The following DLG2 variants were observed in gnomAD, a reference collection of about 807,000 sequenced individuals.
DLG2 encodes the protein discs large MAGUK scaffold protein 2.
Under a neutral mutation model 132.5 loss-of-function variants are expected in DLG2, and 45 were observed. That is an observed-to-expected ratio of 0.34 (90% CI 0.27 to 0.44). The LOEUF (loss-of-function observed/expected upper bound fraction) is 0.44, where lower values mean the gene tolerates loss of function less well. DLG2 is among the 20% of genes least tolerant of loss of function. The pLI, the probability that DLG2 is intolerant of heterozygous loss-of-function variation, is 1.00. For missense variants in DLG2, 1,045 were observed against 1,196.9 expected (o/e 0.87, Z 1.87); for synonymous variants, 424 against 419.6 (o/e 1.01, Z -0.13).
intron 6 of DLG2, among the ~76,000 whole-genome samples, chr11:84,593,662 G>C (rs901389287): frequency 6.6e-6 from 1 of 152,152 alleles, no homozygotes; most frequent in Non-Finnish European, 1.5e-5. Flanking sequence ...TGGGAGGCTA[G>C]GGAAGTGATA....
At chr11:85,468,391 T>G (rs192365787) in intron 3 of DLG2, among the ~76,000 whole-genome samples, 3 of 152,354 alleles carry the variant, frequency 2.0e-5, no homozygotes, top group Non-Finnish European at 4.4e-5. Context: ...CTAGTTCTTT[T>G]AATTGTGATG....
chr11:83,895,047 T>C (rs1272370431), intron 15 of DLG2, among the ~76,000 whole-genome samples: 1 of 152,202 alleles, frequency 6.6e-6, no homozygotes, highest in African/African-American at 2.4e-5. Context: ...CCTTGAAGTT[T>C]CTAAATACTT....
chr11:85,490,880 T>C (rs1336878650), intron 3 of DLG2, among the ~76,000 whole-genome samples: 2 of 152,060 alleles, frequency 1.3e-5, no homozygotes, highest in Admixed American at 1.3e-4. Context: ...CCTGAAACTT[T>C]TCAAAAATTC....
chr11:85,160,437 G>A (rs898870640), intron 4 of DLG2, among the ~76,000 whole-genome samples: 3 of 152,188 alleles, frequency 2.0e-5, no homozygotes, highest in African/African-American at 7.2e-5. Context: ...GCCATCTTCT[G>A]CAGATAAGTA....
At chr11:84,322,184 C>A (rs1223568361) in intron 7 of DLG2, among the ~76,000 whole-genome samples, 2 of 152,156 alleles carry the variant, frequency 1.3e-5, no homozygotes, top group East Asian at 3.9e-4. Context: ...GTATTCTGGT[C>A]TGTGTTCTAC....
At chr11:85,402,067 C>A (rs2088187581) in intron 3 of DLG2, among the ~76,000 whole-genome samples, 1 of 152,152 alleles carries the variant, frequency 6.6e-6, no homozygotes, top group Non-Finnish European at 1.5e-5. Context: ...AAGCTGGAGG[C>A]ATCACGCTAC....
rs1555220727 is a variant in DLG2 at position 84,784,366 on chromosome 11, A to AATT, written c.358-249636_358-249635insAAT. 2.0e-3 allele frequency among the ~76,000 whole-genome samples: 294 copies of AATT among 147,454 alleles called. 1 individual carries two copies. The highest frequency in any genetic ancestry group is 2.8e-3 in the Non-Finnish European group (186 of 66,944). On this transcript the variant is annotated intron_variant, in intron 6 of 27. Transcript: ENST00000376104. ...TAAATAAATAAATAAATAAATAAAT[A>AATT]AATTAAACAAGAGTATAGAACATAA...
At chr11:84,817,071 T>C (rs1193206873) in intron 6 of DLG2, among the ~76,000 whole-genome samples, 1 of 152,034 alleles carries the variant, frequency 6.6e-6, no homozygotes, top group Non-Finnish European at 1.5e-5. Context: ...ATTTGTAAAC[T>C]GTAAAGCACC....
chr11:84,129,408 T>G (rs553154693), intron 9 of DLG2, among the ~76,000 whole-genome samples: 16 of 152,090 alleles, frequency 1.1e-4, no homozygotes, highest in Non-Finnish European at 2.2e-4. Flanking sequence ...AGTCTCATTA[T>G]CTATATAAAC....
intron 3 of DLG2, among the ~76,000 whole-genome samples, chr11:85,341,011 G>A (rs1375795990): frequency 6.6e-6 from 1 of 152,106 alleles, no homozygotes; most frequent in Non-Finnish European, 1.5e-5. Context: ...TTTATTAATG[G>A]TTGACTGAAT....
At chr11:84,376,606 G>A (rs892770864) in intron 7 of DLG2, among the ~76,000 whole-genome samples, 1 of 151,808 alleles carries the variant, frequency 6.6e-6, no homozygotes, top group Non-Finnish European at 1.5e-5. Flanking sequence ...CCCAAGTATA[G>A]TGATGTGGTT....
intron 16 of DLG2, among the ~76,000 whole-genome samples, chr11:83,845,340 C>T (rs1481459253): frequency 1.3e-5 from 2 of 152,166 alleles, no homozygotes; most frequent in Non-Finnish European, 2.9e-5. Flanking sequence ...ACATGGAAGA[C>T]AACAACAGAA....
intron 3 of DLG2, among the ~76,000 whole-genome samples, chr11:85,438,571 A>G (rs2091611845): frequency 1.3e-5 from 2 of 152,202 alleles, no homozygotes; most frequent in African/African-American, 4.8e-5. Context: ...GTTTCACCCA[A>G]TGGAAATATT....
intron 16 of DLG2, among the ~76,000 whole-genome samples, chr11:83,853,452 T>C (rs539474190): frequency 2.0e-5 from 3 of 152,306 alleles, no homozygotes; most frequent in East Asian, 3.9e-4. Flanking sequence ...GGCTCCACTG[T>C]GGCTAGGATT....
At chr11:84,171,496 G>C (rs911174703) in intron 8 of DLG2, among the ~76,000 whole-genome samples, 1 of 152,098 alleles carries the variant, frequency 6.6e-6, no homozygotes, top group Non-Finnish European at 1.5e-5. Flanking sequence ...CTCTGTTTCT[G>C]AGTTATTTTA....
intron 18 of DLG2, among the ~76,000 whole-genome samples, chr11:83,639,228 C>A (rs965405280): frequency 1.1e-4 from 17 of 152,268 alleles, no homozygotes; most frequent in African/African-American, 4.1e-4. Context: ...GCAGCATGCC[C>A]CTCGATCAGT....
chr11:85,519,272 G>C (rs1334879306), intron 3 of DLG2, among the ~76,000 whole-genome samples: 1 of 152,198 alleles, frequency 6.6e-6, no homozygotes, highest in Non-Finnish European at 1.5e-5. Context: ...TGTGAAATTA[G>C]CCAGGATGGA....
chr11:85,011,575 C>T (rs556240511), intron 6 of DLG2, among the ~76,000 whole-genome samples: 16 of 152,246 alleles, frequency 1.1e-4, no homozygotes, highest in Admixed American at 2.6e-4. Context: ...ACTGTATGAC[C>T]TTAAATTACA....
intron 11 of DLG2, among the ~76,000 whole-genome samples, chr11:84,049,171 A>C (rs965523700): frequency 6.6e-6 from 1 of 151,780 alleles, no homozygotes; most frequent in African/African-American, 2.4e-5. Flanking sequence ...TGAGTATGAT[A>C]AATAGAAAAG....
Sources: gnomAD v4.1 joint callset for allele counts (sites outside exome capture counted in the v4.1 genomes callset) on GRCh38, gnomAD v4.1.1 for gene constraint, MANE v1.5 for transcripts, NCBI Gene and HGNC (gene_info 2026-07-23, HGNC 2026-07-21) for gene names.